Variants in OR51B5 observed in about 807,000 individuals in gnomAD.
The protein encoded by OR51B5 is olfactory receptor family 51 subfamily B member 5.
For synonymous variants in OR51B5, 186 were observed against 144.8 expected (o/e 1.28, Z -2.04); for missense variants, 456 against 374.6 (o/e 1.22, Z -1.79).
intron 1 of OR51B5, chr11:5,454,479 T>G: frequency 4.4e-6 from 6 of 1,372,790 alleles, no homozygotes; most frequent in Non-Finnish European, 6.0e-6. Context: ...CTCTCATCAG[T>G]AGCATCGTCA....
At chr11:5,484,395 T>C (rs1851471040) in intron 1 of OR51B5, among the ~76,000 whole-genome samples, 1 of 152,146 alleles carries the variant, frequency 6.6e-6, no homozygotes, top group African/African-American at 2.4e-5. Flanking sequence ...GCAGTTACCT[T>C]ACAACAGTTA....
At chr11:5,460,060 C>CATAAAAA (rs146981955) in intron 1 of OR51B5, among the ~76,000 whole-genome samples, 4,229 of 152,092 alleles carry the variant, frequency 0.028, 198 homozygotes, top group African/African-American at 0.096. Context: ...AAAATAAAGC[C>CATAAAAA]ATAAAAAATA....
At chr11:5,420,986 G>GACTC (rs1342333872) in intron 1 of OR51B5, among the ~76,000 whole-genome samples, 1 of 152,026 alleles carries the variant, frequency 6.6e-6, no homozygotes, top group African/African-American at 2.4e-5. Flanking sequence ...TCCCAGCTTC[G>GACTC]GAGTACTTAT....
intron 1 of OR51B5, among the ~76,000 whole-genome samples, chr11:5,474,491 C>A (rs1851274679): frequency 2.1e-5 from 1 of 48,278 alleles, no homozygotes; most frequent in Admixed American, 3.1e-4. Flanking sequence ...AATAATTTAA[C>A]CAATTAATAA....
intron 1 of OR51B5, among the ~76,000 whole-genome samples, chr11:5,445,709 A>G (rs1850750178): frequency 6.6e-6 from 1 of 151,376 alleles, no homozygotes; most frequent in Admixed American, 6.6e-5. Context: ...AAACTTATCT[A>G]GTGTGCATGT....
chr11:5,504,688 A>C (rs1846348040), intron 1 of OR51B5, among the ~76,000 whole-genome samples: 1 of 152,124 alleles, frequency 6.6e-6, no homozygotes, highest in Non-Finnish European at 1.5e-5. Context: ...GTCCCCAGTC[A>C]CTTCCTCATT....
At chr11:5,422,383 G>A (rs184535881) in intron 1 of OR51B5, 2 of 1,614,060 alleles carry the variant, frequency 1.2e-6, no homozygotes, top group East Asian at 2.2e-5. Context: ...ACCAGCGCAT[G>A]TATCTGTTTC....
intron 1 of OR51B5, among the ~76,000 whole-genome samples, chr11:5,406,280 A>G (rs1336978600): frequency 6.6e-6 from 1 of 152,176 alleles, no homozygotes; most frequent in African/African-American, 2.4e-5. Flanking sequence ...AATTTACTGA[A>G]TATCTTCGGC....
chr11:5,395,826 A>C (rs1366478763), intron 1 of OR51B5, among the ~76,000 whole-genome samples: 3 of 152,194 alleles, frequency 2.0e-5, no homozygotes, highest in African/African-American at 7.2e-5. Flanking sequence ...CAAATACCTT[A>C]CGCTTCATTG....
intron 1 of OR51B5, among the ~76,000 whole-genome samples, chr11:5,382,550 G>A (rs1345341940): frequency 1.3e-5 from 2 of 152,146 alleles, no homozygotes; most frequent in Admixed American, 1.3e-4. Flanking sequence ...TCCTTGGCTA[G>A]GATCCCAGTG....
intron 1 of OR51B5, among the ~76,000 whole-genome samples, chr11:5,385,914 T>G (rs1849686952): frequency 6.7e-6 from 1 of 148,778 alleles, no homozygotes; most frequent in Non-Finnish European, 1.5e-5. Context: ...CTTATACATA[T>G]GTGTACTTAT....
intron 1 of OR51B5, among the ~76,000 whole-genome samples, chr11:5,487,099 A>C (rs1236597180): frequency 6.6e-6 from 1 of 152,118 alleles, no homozygotes; most frequent in Non-Finnish European, 1.5e-5. Flanking sequence ...AAAACGCCAA[A>C]CTCTGAATCA....
At chr11:5,370,684 T>C (rs1849433970) in intron 1 of OR51B5, among the ~76,000 whole-genome samples, 1 of 152,186 alleles carries the variant, frequency 6.6e-6, no homozygotes. Flanking sequence ...GGTACAAAAA[T>C]ACATTGGTGC....
intron 1 of OR51B5, among the ~76,000 whole-genome samples, chr11:5,357,702 C>A (rs1849216870): frequency 6.6e-6 from 1 of 150,468 alleles, no homozygotes; most frequent in African/African-American, 2.5e-5. Context: ...TTTTCAGCAC[C>A]ACACCACACC....
chr11:5,360,147 A>G (rs1849258241), intron 1 of OR51B5, among the ~76,000 whole-genome samples: 3 of 151,090 alleles, frequency 2.0e-5, no homozygotes, highest in South Asian at 2.1e-4. Flanking sequence ...GACAAATGGG[A>G]TCTAATTAAA....
At chr11:5,428,962 T>C (rs1183317171) in intron 1 of OR51B5, among the ~76,000 whole-genome samples, 1 of 152,198 alleles carries the variant, frequency 6.6e-6, no homozygotes, top group African/African-American at 2.4e-5. Flanking sequence ...GGTCACAAGA[T>C]TTGTGACTGC....
intron 1 of OR51B5, among the ~76,000 whole-genome samples, chr11:5,362,224 C>G (rs77836109): frequency 0.38 from 57,499 of 151,708 alleles, 11,074 homozygotes; most frequent in Non-Finnish European, 0.41. Flanking sequence ...TAGTGGATCC[C>G]GTGTTTCTGT....
chr11:5,461,033 T>A (rs1851041864), intron 1 of OR51B5, among the ~76,000 whole-genome samples: 1 of 151,952 alleles, frequency 6.6e-6, no homozygotes, highest in Non-Finnish European at 1.5e-5. Context: ...CAGGCAGTAG[T>A]TGAGGGGGAG....
intron 1 of OR51B5, among the ~76,000 whole-genome samples, chr11:5,491,662 T>C (rs1007801823): frequency 6.6e-6 from 1 of 152,206 alleles, no homozygotes; most frequent in Non-Finnish European, 1.5e-5. Flanking sequence ...GAAATAGTGA[T>C]GGATCAATCT....
Sources: gnomAD v4.1 joint callset for allele counts (sites outside exome capture counted in the v4.1 genomes callset) on GRCh38, gnomAD v4.1.1 for gene constraint, MANE v1.5 for transcripts, NCBI Gene and HGNC (gene_info 2026-07-23, HGNC 2026-07-21) for gene names.